The following IQCJ variants were observed in gnomAD, a reference collection of about 807,000 sequenced individuals.
IQCJ encodes IQ domain-containing protein J.
Under a neutral mutation model 11.0 loss-of-function variants are expected in IQCJ, and 9 were observed. The observed-to-expected ratio is 0.82, with a 90% confidence interval of 0.49 to 1.43. The LOEUF (loss-of-function observed/expected upper bound fraction) is 1.43. IQCJ is among the 40% of genes most tolerant of loss of function. The probability of loss-of-function intolerance (pLI) is 0.00; values close to 1 mark genes in which losing one functional copy is unlikely to be tolerated. For synonymous variants in IQCJ, 55 were observed against 51.3 expected, an observed-to-expected ratio of 1.07 and a Z score of -0.31; for missense variants, 146 against 133.2, an observed-to-expected ratio of 1.10 and a Z score of -0.47.
At chr3:159,265,493 A>G (rs1560048922), downstream of IQCJ, 4 of 1,030,452 alleles carry the variant, frequency 3.9e-6, no homozygotes, top group East Asian at 5.0e-5. Flanking sequence ...TCTAACAACC[A>G]TGAGTCCATT....
At chr3:159,150,488 A>C (rs1363880948) in intron 1 of IQCJ, among the ~76,000 whole-genome samples, 1 of 152,124 alleles carries the variant, frequency 6.6e-6, no homozygotes. Flanking sequence ...GGAGAATTGC[A>C]GATGGGCTCA....
At chr3:159,253,615 ACAC>A (rs1727728025) in intron 3 of IQCJ, among the ~76,000 whole-genome samples, 2 of 67,468 alleles carry the variant, frequency 3.0e-5, no homozygotes, top group African/African-American at 1.4e-4. Flanking sequence ...TCACAAACAC[ACAC>A]ACACACACAC....
intron 1 of IQCJ, among the ~76,000 whole-genome samples, chr3:159,165,399 T>G (rs1213255485): frequency 6.6e-6 from 1 of 152,152 alleles, no homozygotes; most frequent in Non-Finnish European, 1.5e-5. Flanking sequence ...AGTGGTAACT[T>G]CAGGTACTAT....
chr3:159,214,267 A>C (rs913293035), intron 1 of IQCJ, among the ~76,000 whole-genome samples: 4 of 152,154 alleles, frequency 2.6e-5, no homozygotes, highest in African/African-American at 9.7e-5. Flanking sequence ...AAAGAAGTTG[A>C]GAATTATTAT....
At chr3:159,125,447 C>A (rs756501159) in intron 1 of IQCJ, among the ~76,000 whole-genome samples, 6 of 152,110 alleles carry the variant, frequency 3.9e-5, no homozygotes, top group Non-Finnish European at 7.4e-5. Flanking sequence ...AAAGCATGGG[C>A]TTTTGTTGAT....
intron 1 of IQCJ, among the ~76,000 whole-genome samples, chr3:159,079,762 C>T (rs886962749): frequency 4.6e-5 from 7 of 151,952 alleles, no homozygotes; most frequent in East Asian, 1.9e-4. Context: ...AGTATTTGAT[C>T]GGGTAGACAT....
At chr3:159,167,026 G>A (rs1012408798) in intron 1 of IQCJ, among the ~76,000 whole-genome samples, 1 of 152,176 alleles carries the variant, frequency 6.6e-6, no homozygotes, top group Admixed American at 6.5e-5. Flanking sequence ...TCTGACTGGT[G>A]GACTTGCATA....
intron 1 of IQCJ, among the ~76,000 whole-genome samples, chr3:159,135,654 AAGGTTTTATGGGTT>A (rs1372120813): frequency 6.6e-6 from 1 of 152,126 alleles, no homozygotes; most frequent in Non-Finnish European, 1.5e-5. Context: ...GTGTACATGG[AAGGTTTTATGGGTT>A]AGGTTTTATG....
chr3:159,153,104 G>C (rs9810653), intron 1 of IQCJ, among the ~76,000 whole-genome samples: 103,090 of 151,878 alleles, frequency 0.68, 35,692 homozygotes, highest in African/African-American at 0.81. Context: ...GTTTAAATCT[G>C]GAAACATTAA....
rs60367077 is a variant in IQCJ at position 159,082,348 on chromosome 3, GT to G, written c.9+12919del. On this transcript the variant is annotated intron_variant, in intron 1 of 3. Coordinates refer to ENST00000397832, the MANE Select transcript of IQCJ (RefSeq NM_001042706.3). ...ATTTAGTTCCCAAACAACTCTATAA[GT>G]TTTTTTTTTTTGTTAGCCCTATTTT... is the stretch of plus-strand genomic sequence containing the variant. Among the ~76,000 whole-genome samples, 836 of 145,980 alleles carry G rather than the reference GT, an allele frequency of 5.7e-3. 8 individuals carry two copies. The highest frequency in any genetic ancestry group is 0.016 in the African/African-American group (657 of 40,186).
At chr3:159,144,351 G>A (rs1050393713) in intron 1 of IQCJ, among the ~76,000 whole-genome samples, 3 of 152,180 alleles carry the variant, frequency 2.0e-5, no homozygotes, top group East Asian at 3.8e-4. Context: ...TAGACTTGAA[G>A]GTTGTGTGTG....
intron 1 of IQCJ, among the ~76,000 whole-genome samples, chr3:159,084,561 C>T (rs1345007099): frequency 6.6e-6 from 1 of 152,076 alleles, no homozygotes; most frequent in Non-Finnish European, 1.5e-5. Flanking sequence ...CACAACAATC[C>T]TATGATGTAG....
chr3:159,094,711 A>G (rs1717606117), intron 1 of IQCJ, among the ~76,000 whole-genome samples: 1 of 151,808 alleles, frequency 6.6e-6, no homozygotes, highest in South Asian at 2.1e-4. Context: ...TAGAATTGGT[A>G]AAAGATGTGT....
intron 1 of IQCJ, among the ~76,000 whole-genome samples, chr3:159,157,757 C>T (rs140313713): frequency 4.6e-5 from 7 of 152,330 alleles, no homozygotes; most frequent in African/African-American, 7.2e-5. Context: ...ACTTTATGCA[C>T]ATACAAACAT....
intron 1 of IQCJ, among the ~76,000 whole-genome samples, chr3:159,178,470 C>A (rs867860436): frequency 8.5e-5 from 13 of 152,258 alleles, no homozygotes; most frequent in African/African-American, 3.1e-4. Context: ...CAGTGGGAGT[C>A]CTGGTATAGG....
At chr3:159,232,902 G>C (rs1251594767) in intron 1 of IQCJ, among the ~76,000 whole-genome samples, 1 of 152,118 alleles carries the variant, frequency 6.6e-6, no homozygotes, top group Non-Finnish European at 1.5e-5. Flanking sequence ...AAAATAGGTG[G>C]GGGTTGGCTG....
At chr3:159,178,812 G>T (rs1722929470) in intron 1 of IQCJ, among the ~76,000 whole-genome samples, 1 of 152,038 alleles carries the variant, frequency 6.6e-6, no homozygotes, top group African/African-American at 2.4e-5. Context: ...GTCCAGAGGG[G>T]TCATAAGTTG....
intron 1 of IQCJ, among the ~76,000 whole-genome samples, chr3:159,163,215 C>T (rs1721973146): frequency 6.6e-6 from 1 of 152,174 alleles, no homozygotes; most frequent in African/African-American, 2.4e-5. Context: ...CATCAAAAAG[C>T]TTATCCACCA....
chr3:159,189,915 G>T (rs1195067678), intron 1 of IQCJ, among the ~76,000 whole-genome samples: 1 of 152,146 alleles, frequency 6.6e-6, no homozygotes, highest in African/African-American at 2.4e-5. Context: ...CTGCACTTAT[G>T]CTAGGGTTCT....
Sources: allele counts gnomAD v4.1 joint callset (sites outside exome capture counted in the v4.1 genomes callset), GRCh38; gene constraint gnomAD v4.1.1; transcripts MANE v1.5; gene names NCBI Gene and HGNC (gene_info 2026-07-23, HGNC 2026-07-21).